The following USH2A variants were observed in gnomAD, a reference collection of about 807,000 sequenced individuals.
USH2A encodes Usher syndrome 2A (autosomal recessive, mild).
USH2A carries 443 observed loss-of-function variants against 538.9 expected under a neutral mutation model. The ratio of observed to expected loss-of-function variants is 0.82; its 90% confidence interval spans 0.76 to 0.89. The LOEUF is 0.89. Among genes scored for constraint, USH2A ranks in the 40% least tolerant of loss-of-function variants. The pLI, the probability that USH2A is intolerant of heterozygous loss-of-function variation, is 0.00. For synonymous variants in USH2A, 2,413 were observed against 2,273.5 expected (o/e 1.06, Z -1.75); for missense variants, 6,633 against 6,324.8 (o/e 1.05, Z -1.65).
At chr1:215,901,067 C>T in intron 38 of USH2A, 162 bp from the exon 39 acceptor site, 2 of 862,508 alleles carry the variant, frequency 2.3e-6, no homozygotes, top group Non-Finnish European at 3.7e-6. Flanking sequence ...AACTCCTGTA[C>T]TTCCTTATTG....
chr1:215,782,959 G>C, intron 52 of USH2A, 24 bp from the exon 53 acceptor site: 1 of 1,601,938 alleles, frequency 6.2e-7, no homozygotes, highest in Non-Finnish European at 8.5e-7. Flanking sequence ...AAATAGACAG[G>C]GAAGTTTCTC....
At chr1:215,718,081 A>G (rs1659536802) in intron 61 of USH2A, among the ~76,000 whole-genome samples, 1 of 152,172 alleles carries the variant, frequency 6.6e-6, no homozygotes, top group Admixed American at 6.6e-5. Flanking sequence ...AAGTCCATAG[A>G]TATGATCAAA....
At chr1:216,241,828 G>A (rs1490102905) in intron 13 of USH2A, among the ~76,000 whole-genome samples, 4 of 152,108 alleles carry the variant, frequency 2.6e-5, no homozygotes, top group Admixed American at 2.6e-4. Flanking sequence ...CACCATGTGC[G>A]GCCATTAGGA....
intron 61 of USH2A, among the ~76,000 whole-genome samples, chr1:215,698,999 G>A (rs943227018): frequency 6.6e-6 from 1 of 152,116 alleles, no homozygotes; most frequent in East Asian, 1.9e-4. Context: ...TTTTGTATAA[G>A]GTCTAAGAAA....
At chr1:216,279,759 G>A (rs1369054043) in intron 11 of USH2A, among the ~76,000 whole-genome samples, 1 of 152,104 alleles carries the variant, frequency 6.6e-6, no homozygotes, top group Non-Finnish European at 1.5e-5. Context: ...AGAGAAGGTA[G>A]CAGGGATGAA....
At chr1:215,803,279 C>T (rs1267283820) in intron 49 of USH2A, among the ~76,000 whole-genome samples, 1 of 152,066 alleles carries the variant, frequency 6.6e-6, no homozygotes, top group Non-Finnish European at 1.5e-5. Flanking sequence ...GAAGTTCTGG[C>T]CAGGGCAACC....
intron 30 of USH2A, among the ~76,000 whole-genome samples, chr1:216,064,452 G>A (rs2031285499): frequency 6.6e-6 from 1 of 151,906 alleles, no homozygotes; most frequent in South Asian, 2.1e-4. Context: ...ACAAAAACAT[G>A]GGGAAAATGT....
chr1:216,344,942 T>A (rs2038146206), intron 4 of USH2A, among the ~76,000 whole-genome samples: 1 of 151,206 alleles, frequency 6.6e-6, no homozygotes, highest in Admixed American at 6.6e-5. Context: ...TGCTGATGGC[T>A]GTGGGTGACA....
At chr1:216,007,787 C>T (rs937636297) in intron 32 of USH2A, among the ~76,000 whole-genome samples, 5 of 152,206 alleles carry the variant, frequency 3.3e-5, no homozygotes, top group African/African-American at 1.2e-4. Flanking sequence ...CTAGGTAAGA[C>T]CCCAGAAGCT....
chr1:216,095,138 A>G (rs1418605010), intron 22 of USH2A, among the ~76,000 whole-genome samples: 1 of 152,118 alleles, frequency 6.6e-6, no homozygotes, highest in Non-Finnish European at 1.5e-5. Context: ...ATTCCCTCTT[A>G]AATCAGATAT....
At chr1:215,921,821 C>T (rs1397983683) in intron 38 of USH2A, among the ~76,000 whole-genome samples, 1 of 152,074 alleles carries the variant, frequency 6.6e-6, no homozygotes, top group Non-Finnish European at 1.5e-5. Context: ...ACTTGCCTTA[C>T]AGGGTTTGTG....
chr1:216,215,118 AAATTACATCCTAGGATTCCCACCCTGAC>A (rs1281140691), intron 15 of USH2A, among the ~76,000 whole-genome samples: 1 of 152,000 alleles, frequency 6.6e-6, no homozygotes, highest in Admixed American at 6.6e-5. Context: ...TGCATTTTGG[AAATTACATCCTAGGATTCCCACCCTGAC>A]AGCCCACCAA....
At chr1:216,418,910 C>T (rs1470844024) in intron 2 of USH2A, among the ~76,000 whole-genome samples, 1 of 152,058 alleles carries the variant, frequency 6.6e-6, no homozygotes, top group Non-Finnish European at 1.5e-5. Flanking sequence ...TCCCCAGAGC[C>T]TCAGCACCCT....
At position 215,877,779 on chromosome 1, in the gene USH2A, T is replaced by C. The variant is rs2102450682; in HGVS notation, c.8660A>G (p.Tyr2887Cys). ...HNIYSGTQWLYEDKGLSRFTT... is the reference protein window; with the variant it reads ...HNIYSGTQWLCEDKGLSRFTT... ...TCACCTGCTAAGACCCTTATCTTCA[T>C]AAAGCCACTGAGTTCCTGAATAAAT... Residue 2887 changes from tyrosine (Y) to cysteine (C), a missense_variant, in exon 43 of 72, where the codon TAT becomes TGT. Tyr to Cys is a radical substitution (Grantham distance 194). Coordinates refer to ENST00000307340, the MANE Select transcript of USH2A (RefSeq NM_206933.4). 1.9e-6 allele frequency: 3 copies of C among 1,613,782 alleles called. No individual in the cohort carries two copies. Among genetic ancestry groups the C allele is most frequent in the Non-Finnish European group, 2.5e-6 (3 of 1,179,698 alleles).
chr1:215,692,872 T>C (rs1003238736), intron 61 of USH2A, among the ~76,000 whole-genome samples: 1 of 152,108 alleles, frequency 6.6e-6, no homozygotes, highest in South Asian at 2.1e-4. Context: ...TCCCTTATGG[T>C]AACAAAAGTT....
chr1:216,120,729 G>A (rs907157141), intron 21 of USH2A, among the ~76,000 whole-genome samples: 39 of 151,792 alleles, frequency 2.6e-4, no homozygotes, highest in African/African-American at 8.0e-4. Flanking sequence ...GCGGGCACCT[G>A]TAGTCCCAAC....
chr1:216,330,408 C>A (rs1291733415), intron 4 of USH2A, among the ~76,000 whole-genome samples: 1 of 151,932 alleles, frequency 6.6e-6, no homozygotes, highest in Admixed American at 6.6e-5. Flanking sequence ...AGAGAGGCCT[C>A]ATTGAGAATG....
chr1:215,838,003 C>A lies in USH2A; in HGVS notation c.9359G>T (p.Gly3120Val). Residue 3120 changes from glycine to valine, a missense_variant, in exon 47 of 72, where the codon GGC becomes GTC. By Grantham distance (109) the Gly-to-Val change is moderately radical (BLOSUM62 -3). Transcript: ENST00000307340. ...CAAAATTTTGTACCTTGAAGTGATG[C>A]CACGAATTGTGGGTGTTGGTATATC... ...PSDIPTPTIR[G>V]ITSRSLQIDW... 1.2e-6 allele frequency: 2 copies of A among 1,613,814 alleles called. No homozygotes were observed. The highest frequency in any genetic ancestry group is 1.7e-6 in the Non-Finnish European group (2 of 1,179,766).
At chr1:216,089,198 C>A in intron 22 of USH2A, 59 bp from the exon 23 acceptor site, 1 of 1,536,358 alleles carries the variant, frequency 6.5e-7, no homozygotes, top group Non-Finnish European at 9.0e-7. Context: ...AATAAACACA[C>A]ACATATTTGT....
Sources: allele counts gnomAD v4.1 joint callset (sites outside exome capture counted in the v4.1 genomes callset), GRCh38; gene constraint gnomAD v4.1.1; transcripts MANE v1.5; gene names NCBI Gene and HGNC (gene_info 2026-07-23, HGNC 2026-07-21).